GUCY1A2: variants seen among roughly 807,000 people sequenced by gnomAD.
GUCY1A2 encodes the protein guanylate cyclase 1 soluble subunit alpha 2, also known as guanylate cyclase soluble subunit alpha-2.
GUCY1A2 carries 27 observed loss-of-function variants against 63.5 expected under a neutral mutation model. That is an observed-to-expected ratio of 0.43 (90% CI 0.31 to 0.59). The LOEUF (loss-of-function observed/expected upper bound fraction) is 0.59, where lower values mean the gene tolerates loss of function less well. Among genes scored for constraint, GUCY1A2 ranks in the 20% least tolerant of loss-of-function variants. The pLI is 0.11. For synonymous variants in GUCY1A2, 364 were observed against 343.5 expected, an observed-to-expected ratio of 1.06 and a Z score of -0.66; for missense variants, 768 against 913.3, an observed-to-expected ratio of 0.84 and a Z score of 2.05.
intron 1 of GUCY1A2, among the ~76,000 whole-genome samples, chr11:106,988,966 A>T (rs1861437248): frequency 6.6e-6 from 1 of 152,244 alleles, no homozygotes; most frequent in African/African-American, 2.4e-5. Flanking sequence ...AAAGCCTTCC[A>T]TCAGATGATT....
At chr11:106,825,116 ATGTT>A (rs1461676129) in intron 4 of GUCY1A2, among the ~76,000 whole-genome samples, 1 of 152,208 alleles carries the variant, frequency 6.6e-6, no homozygotes, top group African/African-American at 2.4e-5. Context: ...ACTTTTGAGA[ATGTT>A]TGAAAATTAG....
chr11:106,952,731 C>T (rs894313580), intron 3 of GUCY1A2, among the ~76,000 whole-genome samples: 8 of 151,944 alleles, frequency 5.3e-5, no homozygotes, highest in African/African-American at 1.9e-4. Flanking sequence ...ACCTCCACCT[C>T]CTGGGTTCAA....
At chr11:107,011,205 G>A (rs2462423) in intron 1 of GUCY1A2, among the ~76,000 whole-genome samples, 23,261 of 152,086 alleles carry the variant, frequency 0.15, 1,996 homozygotes, top group South Asian at 0.25. Flanking sequence ...CGGCCTATGT[G>A]CCTACATGTG....
chr11:106,841,340 C>T (rs1046818737), intron 4 of GUCY1A2, among the ~76,000 whole-genome samples: 6 of 151,904 alleles, frequency 3.9e-5, no homozygotes, highest in South Asian at 4.1e-4. Context: ...TAAACAACTC[C>T]GTATTTCTCT....
At chr11:106,984,249 T>C (rs1052179029) in intron 2 of GUCY1A2, among the ~76,000 whole-genome samples, 2 of 152,168 alleles carry the variant, frequency 1.3e-5, no homozygotes, top group Non-Finnish European at 2.9e-5. Context: ...TAGGCCTATT[T>C]GAATCATGCC....
chr11:106,889,050 C>A (rs193072887), intron 4 of GUCY1A2, among the ~76,000 whole-genome samples: 1 of 152,054 alleles, frequency 6.6e-6, no homozygotes, highest in East Asian at 1.9e-4. Flanking sequence ...AATTACAATG[C>A]ACTGTATCTC....
chr11:106,723,286 G>A (rs956387022), intron 6 of GUCY1A2, among the ~76,000 whole-genome samples: 12 of 152,182 alleles, frequency 7.9e-5, no homozygotes, highest in Admixed American at 4.6e-4. Flanking sequence ...CCACAGCTTA[G>A]AAGTCACTTA....
At chr11:106,800,060 A>T (rs1864845164) in intron 5 of GUCY1A2, among the ~76,000 whole-genome samples, 2 of 152,114 alleles carry the variant, frequency 1.3e-5, no homozygotes, top group African/African-American at 4.8e-5. Context: ...GAACCACCCC[A>T]TCAACAAGTG....
At chr11:106,705,289 T>C (rs1415214481) in intron 7 of GUCY1A2, among the ~76,000 whole-genome samples, 3 of 152,172 alleles carry the variant, frequency 2.0e-5, no homozygotes, top group East Asian at 3.9e-4. Flanking sequence ...AAGGGACTTT[T>C]GTTAATAAAA....
intron 3 of GUCY1A2, among the ~76,000 whole-genome samples, chr11:106,969,244 C>G (rs1861164501): frequency 6.6e-6 from 1 of 152,094 alleles, no homozygotes; most frequent in Non-Finnish European, 1.5e-5. Flanking sequence ...TTAAAATTGA[C>G]TGAAGAACCG....
intron 4 of GUCY1A2, among the ~76,000 whole-genome samples, chr11:106,900,434 A>G (rs1860115751): frequency 6.6e-6 from 1 of 152,168 alleles, no homozygotes; most frequent in Non-Finnish European, 1.5e-5. Flanking sequence ...CTGGGATTCC[A>G]GGCATGAGCC....
chr11:106,678,151 A>G lies in GUCY1A2; in HGVS notation c.*9398T>C, dbSNP rs1206470305. 1 of 196,778 alleles carries G rather than the reference A, an allele frequency of 5.1e-6. No individual in the cohort carries two copies. Among genetic ancestry groups the G allele is most frequent in the African/African-American group, 2.3e-5 (1 of 43,272 alleles). 12.2% of individuals were successfully genotyped at this position (196,778 alleles called of 1,614,324 possible). ...TAAAAGTCCCCCTGAATTACTTTAG[A>G]TAATTATACAGTCCTCTAGTTTATC... On this transcript the variant is annotated 3_prime_UTR_variant, in exon 8 of 8. Coordinates refer to ENST00000526355, the MANE Select transcript of GUCY1A2 (RefSeq NM_000855.3).
chr11:106,878,092 C>T (rs1859775003), intron 4 of GUCY1A2, among the ~76,000 whole-genome samples: 1 of 151,964 alleles, frequency 6.6e-6, no homozygotes, highest in Non-Finnish European at 1.5e-5. Context: ...TCATCTCACA[C>T]AAATAAGAAT....
chr11:106,767,708 G>A (rs1864187564), intron 6 of GUCY1A2, among the ~76,000 whole-genome samples: 2 of 151,880 alleles, frequency 1.3e-5, no homozygotes, highest in Admixed American at 6.6e-5. Flanking sequence ...AAGGTATTAA[G>A]GATGCTCTGT....
chr11:106,862,026 A>G (rs1859519757), intron 4 of GUCY1A2, among the ~76,000 whole-genome samples: 1 of 152,034 alleles, frequency 6.6e-6, no homozygotes, highest in South Asian at 2.1e-4. Context: ...ATAATAAATG[A>G]AAAATGCAAA....
intron 4 of GUCY1A2, among the ~76,000 whole-genome samples, chr11:106,932,594 A>G (rs1190977373): frequency 6.6e-6 from 1 of 152,150 alleles, no homozygotes; most frequent in Non-Finnish European, 1.5e-5. Flanking sequence ...TACCATCATT[A>G]TTTTTCACAG....
intron 1 of GUCY1A2, among the ~76,000 whole-genome samples, chr11:106,987,744 A>T (rs1447353419): frequency 6.6e-6 from 1 of 152,062 alleles, no homozygotes; most frequent in Non-Finnish European, 1.5e-5. Context: ...TCCAAGACAG[A>T]TGTAACACTC....
At chr11:106,703,273 A>C (rs531483157) in intron 7 of GUCY1A2, among the ~76,000 whole-genome samples, 71 of 152,256 alleles carry the variant, frequency 4.7e-4, no homozygotes, top group African/African-American at 1.7e-3. Flanking sequence ...CCCTTTATAC[A>C]TACATCTATC....
intron 1 of GUCY1A2, among the ~76,000 whole-genome samples, chr11:106,991,541 T>G (rs1187786669): frequency 2.0e-5 from 3 of 152,132 alleles, no homozygotes; most frequent in African/African-American, 4.8e-5. Context: ...AACCTTTCAC[T>G]TAAGATATAA....
Sources: allele counts gnomAD v4.1 joint callset (sites outside exome capture counted in the v4.1 genomes callset), GRCh38; gene constraint gnomAD v4.1.1; transcripts MANE v1.5; gene names NCBI Gene and HGNC (gene_info 2026-07-23, HGNC 2026-07-21).